Variants in SLC35F2 observed in about 807,000 individuals in gnomAD.
SLC35F2 encodes the protein queuine/queuosine transporter SLC35F2.
In SLC35F2, 25 loss-of-function variants were observed where a neutral mutation model predicts 38.1. The ratio of observed to expected loss-of-function variants is 0.66; its 90% confidence interval spans 0.48 to 0.92. The LOEUF is 0.92. Ranked by LOEUF, SLC35F2 falls within the 40% of genes least tolerant of loss-of-function variation. SLC35F2 has a pLI of 0.00. For missense variants in SLC35F2, 409 were observed against 452.9 expected, an observed-to-expected ratio of 0.90 and a Z score of 0.88; for synonymous variants, 173 against 181.7, an observed-to-expected ratio of 0.95 and a Z score of 0.38.
At chr11:107,830,615 G>C (rs1372872995) in intron 1 of SLC35F2, among the ~76,000 whole-genome samples, 1 of 143,244 alleles carries the variant, frequency 7.0e-6, no homozygotes, top group Admixed American at 6.9e-5. Flanking sequence ...GAAAAAAAAA[G>C]AGAACAGCCT....
intron 1 of SLC35F2, among the ~76,000 whole-genome samples, chr11:107,852,538 G>A (rs1225839582): frequency 3.8e-5 from 5 of 132,646 alleles, no homozygotes; most frequent in South Asian, 5.0e-4. Context: ...GCAACAGTGC[G>A]AGACTCCACC....
intron 1 of SLC35F2, among the ~76,000 whole-genome samples, chr11:107,822,393 C>T (rs1859686232): frequency 1.3e-5 from 2 of 152,144 alleles, no homozygotes; most frequent in African/African-American, 4.8e-5. Flanking sequence ...TTTTTATTTA[C>T]ATCTTCAGTC....
chr11:107,805,247 C>T, intron 5 of SLC35F2, 112 bp downstream of exon 5: 1 of 1,402,636 alleles, frequency 7.1e-7, no homozygotes, highest in Non-Finnish European at 9.4e-7. Flanking sequence ...TTGCATCCAC[C>T]TAATACTAAT....
chr11:107,857,130 A>G (rs75453755), intron 1 of SLC35F2, among the ~76,000 whole-genome samples: 4,537 of 122,838 alleles, frequency 0.037, 172 homozygotes, highest in African/African-American at 0.11. Flanking sequence ...GAAGGAAGGG[A>G]GGAAGGAAGG....
At chr11:107,808,833 G>A (rs1253637641) in intron 3 of SLC35F2, among the ~76,000 whole-genome samples, 2 of 152,124 alleles carry the variant, frequency 1.3e-5, no homozygotes, top group Admixed American at 6.5e-5. Context: ...CAGCCATAAC[G>A]GCTTAACAAA....
At chr11:107,810,275 A>ATT in intron 3 of SLC35F2, 1 of 985,418 alleles carries the variant, frequency 1.0e-6, no homozygotes, top group Non-Finnish European at 1.2e-6. Context: ...CTAGCGTGAA[A>ATT]GAAATTGTTT....
rs117378094 is a variant in SLC35F2, at chr11:107,807,806, G to A, written c.415-930C>T. On this transcript the variant is annotated intron_variant, in intron 3 of 7. Transcript: ENST00000525815. ...GCAAGGCTGGTCTCGAACTCCTGAT[G>A]TCAGGTGATCTGTCTGCCTCGGCCT... is the stretch of plus-strand genomic sequence containing the variant. 1.9e-3 allele frequency among the ~76,000 whole-genome samples: 292 copies of A among 152,194 alleles called. 9 individuals carry two copies. The East Asian group carries it at 0.051, about 26-fold the overall frequency.
At chr11:107,834,790 CTAAGTA>C (rs1409657719) in intron 1 of SLC35F2, among the ~76,000 whole-genome samples, 2 of 152,130 alleles carry the variant, frequency 1.3e-5, no homozygotes, top group African/African-American at 2.4e-5. Flanking sequence ...ATACTCATAT[CTAAGTA>C]TATTTTTCCA....
intron 1 of SLC35F2, among the ~76,000 whole-genome samples, chr11:107,818,104 GA>G (rs1859611191): frequency 7.7e-6 from 1 of 129,650 alleles, no homozygotes; most frequent in African/African-American, 3.5e-5. Flanking sequence ...AAGAAAGAAA[GA>G]AAGAAAGAAA....
chr11:107,831,977 CTATACATTATAACACCAGTTATAGTTTCT>C (rs1859849945), intron 1 of SLC35F2, among the ~76,000 whole-genome samples: 2 of 152,184 alleles, frequency 1.3e-5, no homozygotes, highest in African/African-American at 4.8e-5. Context: ...AAAAATTACC[CTATACATTATAACACCAGTTATAGTTTCT>C]TATGGAGCGG....
chr11:107,794,083 C>CTTT (rs10664346), intron 7 of SLC35F2, among the ~76,000 whole-genome samples: 1 of 137,978 alleles, frequency 7.2e-6, no homozygotes, highest in African/African-American at 2.7e-5. Flanking sequence ...TGTATTTTTT[C>CTTT]TTTTTTTTTT....
rs1859149867 is a variant in SLC35F2 at position 107,792,549 on chromosome 11, T to TA, written c.*65_*66insT. On this transcript the variant is annotated 3_prime_UTR_variant, in exon 8 of 8. Transcript: ENST00000525815. ...ATTCTGAGTCTGCTATTTCCCCAAG[T>TA]GTCCCCTCAGCAGGCAGCAGGCTCT... 6.6e-7 allele frequency: 1 copy of TA among 1,510,292 alleles called. No homozygotes were observed. Among genetic ancestry groups the TA allele is most frequent in the Non-Finnish European group, 8.9e-7 (1 of 1,127,080 alleles). The allele number at this position is 1,510,292 out of a possible 1,614,324, so 93.6% of individuals were successfully genotyped here. A position where few individuals can be genotyped will look rare whatever the true frequency, so the allele number is the denominator to read the frequency against.
intron 1 of SLC35F2, among the ~76,000 whole-genome samples, chr11:107,847,771 C>T (rs559613036): frequency 1.8e-4 from 27 of 152,110 alleles, no homozygotes; most frequent in African/African-American, 6.3e-4. Context: ...GAAAGCAATC[C>T]CAGGAGGGAA....
intron 1 of SLC35F2, among the ~76,000 whole-genome samples, chr11:107,823,579 G>T (rs1859708513): frequency 6.6e-6 from 1 of 152,144 alleles, no homozygotes; most frequent in Non-Finnish European, 1.5e-5. Context: ...AAGCTACCCA[G>T]TTTCTATTTC....
intron 7 of SLC35F2, among the ~76,000 whole-genome samples, chr11:107,798,147 G>A (rs1859250162): frequency 6.6e-6 from 1 of 152,000 alleles, no homozygotes; most frequent in African/African-American, 2.4e-5. Flanking sequence ...GGGATTACAG[G>A]TGCCCGCCAT....
intron 5 of SLC35F2, 30 bp from the exon 6 acceptor site, chr11:107,804,800 G>A (rs1239108975): frequency 1.3e-6 from 2 of 1,547,492 alleles, no homozygotes; most frequent in Non-Finnish European, 1.8e-6. Flanking sequence ...TCACAGAGAG[G>A]TCCACATACT....
chr11:107,801,092 A>AG (rs992425928), intron 7 of SLC35F2, among the ~76,000 whole-genome samples: 16 of 151,964 alleles, frequency 1.1e-4, no homozygotes, highest in Non-Finnish European at 1.8e-4. Context: ...TTTAGTGGAG[A>AG]GGGGGGTTTC....
At chr11:107,812,853 GAA>G (rs1384205912) in intron 2 of SLC35F2, among the ~76,000 whole-genome samples, 1 of 152,108 alleles carries the variant, frequency 6.6e-6, no homozygotes, top group Non-Finnish European at 1.5e-5. Flanking sequence ...CTTCTTCAAA[GAA>G]AAGTCTGCAG....
At chr11:107,851,103 A>T (rs910475499) in intron 1 of SLC35F2, among the ~76,000 whole-genome samples, 11 of 151,858 alleles carry the variant, frequency 7.2e-5, no homozygotes, top group African/African-American at 2.7e-4. Context: ...TCTCTACTAT[A>T]AATACAAAAA....
Sources: gnomAD v4.1 joint callset for allele counts (sites outside exome capture counted in the v4.1 genomes callset) on GRCh38, gnomAD v4.1.1 for gene constraint, MANE v1.5 for transcripts, NCBI Gene and HGNC (gene_info 2026-07-23, HGNC 2026-07-21) for gene names.